The following ZNF469 variants were observed in gnomAD, a reference collection of about 807,000 sequenced individuals.
ZNF469 encodes the protein zinc finger protein 469.
In ZNF469, 1 loss-of-function variant was observed where a neutral mutation model predicts 1.0. The ratio of observed to expected loss-of-function variants is 1.00; its 90% CI spans 0.35 to 4.73. The LOEUF (loss-of-function observed/expected upper bound fraction) is 4.73. Among genes scored for constraint, ZNF469 ranks in the 30% most tolerant of loss-of-function variants. ZNF469 has a pLI of 0.16. For synonymous variants in ZNF469, 2,703 were observed against 2,363.4 expected, an observed-to-expected ratio of 1.14 and a Z score of -4.17; for missense variants, 6,100 against 5,356.3, an observed-to-expected ratio of 1.14 and a Z score of -4.33.
At chr16:88,322,923 G>A in the ZNF469 span, among the ~76,000 whole-genome samples, 1 of 152,178 alleles carries the variant, frequency 6.6e-6, no homozygotes, top group African/African-American at 2.4e-5. Flanking sequence ...GGAAAGCGGA[G>A]AGGATGACAG....
chr16:88,254,768 A>C, the ZNF469 span, among the ~76,000 whole-genome samples: 1 of 152,150 alleles, frequency 6.6e-6, no homozygotes, highest in Admixed American at 6.5e-5. Context: ...CAATAAATAA[A>C]TAAATAAATA....
upstream of ZNF469, among the ~76,000 whole-genome samples, chr16:88,381,386 A>AC (rs1567496196): frequency 5.8e-4 from 85 of 147,808 alleles, no homozygotes; most frequent in African/African-American, 2.0e-3. Context: ...AGAGACATGC[A>AC]TTCACACACA....
chr16:88,323,995 C>T, the ZNF469 span, among the ~76,000 whole-genome samples: 1 of 152,166 alleles, frequency 6.6e-6, no homozygotes, highest in Non-Finnish European at 1.5e-5. Context: ...TTATTTTGCT[C>T]ACAAATCAAT....
chr16:88,409,302 G>A (rs1327225721), intron 1 of ZNF469, among the ~76,000 whole-genome samples: 1 of 152,258 alleles, frequency 6.6e-6, no homozygotes, highest in Non-Finnish European at 1.5e-5. Flanking sequence ...AGGTAGAGAT[G>A]GGATCTCCAT....
the ZNF469 span, among the ~76,000 whole-genome samples, chr16:88,288,527 T>A: frequency 2.6e-5 from 4 of 152,262 alleles, no homozygotes; most frequent in African/African-American, 9.6e-5. Flanking sequence ...ACATTTATAC[T>A]CATCACATTT....
chr16:88,393,338 G>A (rs1904541779), intron 1 of ZNF469, among the ~76,000 whole-genome samples: 2 of 152,256 alleles, frequency 1.3e-5, no homozygotes, highest in African/African-American at 4.8e-5. Flanking sequence ...AGCGCTCAGG[G>A]CCTGCCTGGA....
the ZNF469 span, among the ~76,000 whole-genome samples, chr16:88,367,677 C>T: frequency 2.0e-5 from 3 of 152,146 alleles, no homozygotes; most frequent in African/African-American, 7.2e-5. Flanking sequence ...CATGCAGTGA[C>T]CTCCATTATG....
chr16:88,307,133 C>T, the ZNF469 span, among the ~76,000 whole-genome samples: 40 of 152,354 alleles, frequency 2.6e-4, no homozygotes, highest in African/African-American at 9.4e-4. Context: ...GTCTTTTACT[C>T]AGCATGATGT....
rs1156700260 is a variant in ZNF469, at chr16:88,434,904, A to G, written c.7434A>G (p.Ala2478=). Reference sequence around the variant, plus strand: ...GGCCTGTGACCTGTGAGGTCTGCGCAGCCTCCTTCCGCTCCGGGCCGGGCC... The same window carrying G: ...GGCCTGTGACCTGTGAGGTCTGCGCGGCCTCCTTCCGCTCCGGGCCGGGCC... ...PHGPVTCEVC[A]ASFRSGPGLS... The change falls in exon 3 of 3, where the codon GCA becomes GCG. Residue 2478 remains alanine, a synonymous_variant. Coordinates refer to ENST00000565624, the MANE Select transcript of ZNF469 (RefSeq NM_001367624.2). 1 of 1,550,324 alleles carries G rather than the reference A, an allele frequency of 6.5e-7. No homozygotes were observed. The highest frequency in any genetic ancestry group is 8.7e-7 in the Non-Finnish European group (1 of 1,146,988).
the ZNF469 span, among the ~76,000 whole-genome samples, chr16:88,292,237 C>A: frequency 6.6e-6 from 1 of 152,136 alleles, no homozygotes; most frequent in East Asian, 1.9e-4. Context: ...GTGGTCCCAG[C>A]AGGGGCCTTG....
chr16:88,413,149 CTAAT>C (rs1905219797), intron 1 of ZNF469, among the ~76,000 whole-genome samples: 1 of 152,220 alleles, frequency 6.6e-6, no homozygotes, highest in Admixed American at 6.5e-5. Context: ...GTGCGTAAAG[CTAAT>C]TAAAATCTGG....
rs12919507 is a variant in ZNF469, at chr16:88,434,022, G to C, written c.6552G>C (p.Thr2184=). The C allele has an allele frequency of 1.2e-5, 19 of 1,550,244 alleles. No individual in the cohort carries two copies. The South Asian group carries it at 2.3e-4, about 18-fold the overall frequency. ...PLEEADGVQA[T]TDTGAEDSPV... The stretch of plus-strand genomic sequence containing the variant: ...AAGAGGCAGATGGCGTCCAAGCCAC[G>C]ACAGATACTGGGGCTGAGGATTCCC... The change falls in exon 3 of 3, where the codon ACG becomes ACC. Residue 2184 remains threonine (T), a synonymous_variant. Transcript: ENST00000565624.
the ZNF469 span, among the ~76,000 whole-genome samples, chr16:88,129,961 A>G: frequency 6.6e-6 from 1 of 152,246 alleles, no homozygotes; most frequent in Non-Finnish European, 1.5e-5. Context: ...AAAAGTTACC[A>G]GTTTCAGACT....
In ZNF469 at chr16:88,427,872, C is replaced by A. The variant is rs569036398; in HGVS notation, c.402C>A (p.Asp134Glu). The A allele has an allele frequency of 1.3e-6, 2 of 1,549,626 alleles. No individual in the cohort carries two copies. Among genetic ancestry groups the A allele is most frequent in the African/African-American group, 2.7e-5 (2 of 73,126 alleles). Residue 134 changes from aspartate (D) to glutamate (E), a missense_variant, in exon 3 of 3, where the codon GAC (aspartate) becomes GAA (glutamate). Coordinates refer to ENST00000565624, the MANE Select transcript of ZNF469 (RefSeq NM_001367624.2). ...GCTCGAGGACCAAGCCCACCCTGGA[C>A]GAGACACCAGAGAACCCACAGCTGG... The part of the protein sequence containing the change: ...IASSRTKPTL[D>E]ETPENPQLEA...
chr16:88,293,045 C>T, the ZNF469 span, among the ~76,000 whole-genome samples: 3 of 152,212 alleles, frequency 2.0e-5, no homozygotes, highest in Non-Finnish European at 4.4e-5. Flanking sequence ...CATAAATTTA[C>T]TTCCCTTCTA....
At chr16:88,401,577 G>A (rs117202807) in intron 1 of ZNF469, among the ~76,000 whole-genome samples, 8,295 of 142,576 alleles carry the variant, frequency 0.058, 722 homozygotes, top group African/African-American at 0.12. Context: ...ATGGATACAT[G>A]GGTGGATGAA....
chr16:88,370,752 G>A, the ZNF469 span, among the ~76,000 whole-genome samples: 2 of 152,208 alleles, frequency 1.3e-5, no homozygotes, highest in Admixed American at 1.3e-4. Flanking sequence ...CGAGCTGTGG[G>A]AAGGGTGGGT....
chr16:88,373,192 G>C, the ZNF469 span, among the ~76,000 whole-genome samples: 46 of 152,346 alleles, frequency 3.0e-4, no homozygotes, highest in African/African-American at 1.0e-3. Context: ...GGCTCTAAGA[G>C]GAAACAAGAC....
At chr16:88,266,687 G>A in the ZNF469 span, among the ~76,000 whole-genome samples, 1 of 152,208 alleles carries the variant, frequency 6.6e-6, no homozygotes, top group African/African-American at 2.4e-5. Flanking sequence ...TGAGGACCTG[G>A]GACGTGCTGG....
Sources: allele counts gnomAD v4.1 joint callset (sites outside exome capture counted in the v4.1 genomes callset), GRCh38; gene constraint gnomAD v4.1.1; transcripts MANE v1.5; gene names NCBI Gene and HGNC (gene_info 2026-07-23, HGNC 2026-07-21).